LDB2: variants seen among roughly 807,000 people sequenced by gnomAD.
The protein encoded by LDB2 is LIM domain-binding protein 2.
A neutral mutation model predicts 44.3 loss-of-function variants in LDB2; 12 were observed. The ratio of observed to expected loss-of-function variants is 0.27; its 90% CI spans 0.17 to 0.44. LDB2 has a LOEUF of 0.44. LDB2 is among the 20% of genes least tolerant of loss of function. LDB2 has a pLI of 1.00. For synonymous variants in LDB2, 164 were observed against 174.8 expected (o/e 0.94, Z 0.49); for missense variants, 344 against 473.5 (o/e 0.73, Z 2.54).
chr4:16,722,483 A>T (rs1488587942), intron 2 of LDB2, among the ~76,000 whole-genome samples: 1 of 152,146 alleles, frequency 6.6e-6, no homozygotes, highest in Non-Finnish European at 1.5e-5. Context: ...AATATCTATT[A>T]AGCAGATATT....
At chr4:16,597,277 G>T (rs1560586246) in intron 2 of LDB2, among the ~76,000 whole-genome samples, 2 of 152,202 alleles carry the variant, frequency 1.3e-5, no homozygotes, top group Non-Finnish European at 2.9e-5. Context: ...CATATTTGCT[G>T]CAGGTAAAAT....
intron 1 of LDB2, among the ~76,000 whole-genome samples, chr4:16,769,350 G>A (rs954917965): frequency 3.3e-5 from 5 of 151,168 alleles, no homozygotes; most frequent in African/African-American, 4.9e-5. Context: ...AGGCTGGAGT[G>A]CAGTAGCACA....
At chr4:16,672,652 A>T (rs543601956) in intron 2 of LDB2, among the ~76,000 whole-genome samples, 1 of 152,336 alleles carries the variant, frequency 6.6e-6, no homozygotes, top group African/African-American at 2.4e-5. Context: ...AAAAGAGCCA[A>T]ACTACAGGCA....
At chr4:16,629,225 T>C (rs1731189540) in intron 2 of LDB2, among the ~76,000 whole-genome samples, 1 of 152,190 alleles carries the variant, frequency 6.6e-6, no homozygotes, top group African/African-American at 2.4e-5. Context: ...AGCAGACAGC[T>C]TCTTCAGACT....
chr4:16,763,806 T>C (rs573307885), intron 1 of LDB2, among the ~76,000 whole-genome samples: 2 of 152,334 alleles, frequency 1.3e-5, no homozygotes, highest in East Asian at 3.9e-4. Flanking sequence ...CTTGCACATA[T>C]GATTTCTGCC....
intron 1 of LDB2, among the ~76,000 whole-genome samples, chr4:16,854,249 T>A (rs1044926148): frequency 6.6e-6 from 1 of 151,696 alleles, no homozygotes; most frequent in African/African-American, 2.4e-5. Context: ...TTCAATAATA[T>A]CATATTGTAT....
At chr4:16,880,796 T>C (rs1401805199) in intron 1 of LDB2, among the ~76,000 whole-genome samples, 3 of 149,780 alleles carry the variant, frequency 2.0e-5, no homozygotes, top group Non-Finnish European at 3.0e-5. Flanking sequence ...CCCAGCTACT[T>C]GGGAGGCTGA....
At chr4:16,640,528 G>A (rs1734848286) in intron 2 of LDB2, among the ~76,000 whole-genome samples, 1 of 152,140 alleles carries the variant, frequency 6.6e-6, no homozygotes, top group Non-Finnish European at 1.5e-5. Flanking sequence ...AGATCCATGG[G>A]GTGAAGGGAA....
At chr4:16,632,098 C>T (rs1401942676) in intron 2 of LDB2, among the ~76,000 whole-genome samples, 3 of 152,198 alleles carry the variant, frequency 2.0e-5, no homozygotes, top group African/African-American at 7.2e-5. Flanking sequence ...AGGCCAGCAT[C>T]ATCCTGATAC....
At chr4:16,505,193 G>A (rs768162503) in intron 7 of LDB2, among the ~76,000 whole-genome samples, 7 of 152,212 alleles carry the variant, frequency 4.6e-5, no homozygotes, top group Non-Finnish European at 8.8e-5. Context: ...CAACAGGCTT[G>A]TAATCTGTTC....
rs62296900 is a variant in LDB2 at position 16,542,583 on chromosome 4, G to A, written c.616-30479C>T. 5.3e-5 allele frequency among the ~76,000 whole-genome samples: 8 copies of A among 151,996 alleles called. No homozygotes were observed. The South Asian group carries it at 1.5e-3, about 28-fold the overall frequency. Reference sequence around the variant, plus strand: ...CTAGATGATGGTGAGCCTTATAATCGATTCAAAGACATTCCAAGTAAGTGC... The same window carrying A: ...CTAGATGATGGTGAGCCTTATAATCAATTCAAAGACATTCCAAGTAAGTGC... On this transcript the variant is annotated intron_variant, in intron 5 of 7. Coordinates refer to ENST00000304523, the MANE Select transcript of LDB2 (RefSeq NM_001290.5).
At chr4:16,644,593 A>T (rs1267892363) in intron 2 of LDB2, among the ~76,000 whole-genome samples, 3 of 151,828 alleles carry the variant, frequency 2.0e-5, no homozygotes, top group African/African-American at 7.3e-5. Context: ...ATGCCCAGCT[A>T]ATTTTTTTGT....
chr4:16,829,045 T>C (rs1783576545), intron 1 of LDB2, among the ~76,000 whole-genome samples: 1 of 152,174 alleles, frequency 6.6e-6, no homozygotes, highest in African/African-American at 2.4e-5. Context: ...GTGAGAGCAC[T>C]TACATGCCCT....
intron 2 of LDB2, among the ~76,000 whole-genome samples, chr4:16,656,215 T>C (rs2152533059): frequency 6.6e-6 from 1 of 152,328 alleles, no homozygotes; most frequent in East Asian, 1.9e-4. Flanking sequence ...AAACGTCCTT[T>C]AAAAATGTAA....
intron 2 of LDB2, among the ~76,000 whole-genome samples, chr4:16,750,685 CAA>C (rs1765320933): frequency 6.6e-6 from 1 of 152,120 alleles, no homozygotes; most frequent in Non-Finnish European, 1.5e-5. Flanking sequence ...CCATATTTAA[CAA>C]AGAAAACACA....
At chr4:16,800,768 A>G (rs1005327752) in intron 1 of LDB2, among the ~76,000 whole-genome samples, 5 of 152,094 alleles carry the variant, frequency 3.3e-5, no homozygotes, top group Non-Finnish European at 5.9e-5. Flanking sequence ...TCCGCCTCCC[A>G]GGTTCACGCC....
chr4:16,864,552 G>A (rs2110291984), intron 1 of LDB2, among the ~76,000 whole-genome samples: 2 of 152,244 alleles, frequency 1.3e-5, no homozygotes, highest in Admixed American at 1.3e-4. Flanking sequence ...ATTAATTAAA[G>A]GCCCTTCTCA....
intron 2 of LDB2, among the ~76,000 whole-genome samples, chr4:16,748,566 A>G (rs957154670): frequency 6.6e-6 from 1 of 152,156 alleles, no homozygotes; most frequent in South Asian, 2.1e-4. Flanking sequence ...ACTTCAACAA[A>G]TGCTTTATTT....
chr4:16,769,095 G>A (rs1454629560), intron 1 of LDB2, among the ~76,000 whole-genome samples: 3 of 152,052 alleles, frequency 2.0e-5, no homozygotes, highest in African/African-American at 7.2e-5. Context: ...TGAACGTTTG[G>A]GTCTCTCTCT....
Sources: gnomAD v4.1 joint callset for allele counts (sites outside exome capture counted in the v4.1 genomes callset) on GRCh38, gnomAD v4.1.1 for gene constraint, MANE v1.5 for transcripts, NCBI Gene and HGNC (gene_info 2026-07-23, HGNC 2026-07-21) for gene names.